The following KIAA0319 variants were observed in gnomAD, a reference collection of about 807,000 sequenced individuals.
The protein encoded by KIAA0319 is dyslexia-associated protein KIAA0319.
A neutral mutation model predicts 108.4 loss-of-function variants in KIAA0319; 83 were observed. The observed-to-expected ratio is 0.77, with a 90% confidence interval of 0.64 to 0.92. The LOEUF (loss-of-function observed/expected upper bound fraction) is 0.92. Among genes scored for constraint, KIAA0319 ranks in the 40% least tolerant of loss-of-function variants. The pLI, the probability that KIAA0319 is intolerant of heterozygous loss-of-function variation, is 0.00. For synonymous variants in KIAA0319, 484 were observed against 510.4 expected, an observed-to-expected ratio of 0.95 and a Z score of 0.70; for missense variants, 1,195 against 1,322.4, an observed-to-expected ratio of 0.90 and a Z score of 1.49.
chr6:24,624,596 A>G (rs1479829809), intron 1 of KIAA0319, among the ~76,000 whole-genome samples: 1 of 152,228 alleles, frequency 6.6e-6, no homozygotes, highest in Non-Finnish European at 1.5e-5. Context: ...TTAGAAGATA[A>G]TTGGAAGAAC....
chr6:24,547,361 A>G lies in KIAA0319; in HGVS notation c.3041-18T>C. The G allele has an allele frequency of 1.2e-6, 2 of 1,609,584 alleles. No individual in the cohort carries two copies. Among genetic ancestry groups the G allele is most frequent in the Non-Finnish European group, 1.7e-6 (2 of 1,176,554 alleles). On this transcript the variant is annotated intron_variant, in intron 20 of 20. Transcript: ENST00000378214. The stretch of plus-strand genomic sequence containing the variant: ...CTTGATACCTAGAGAGAAGCACAGA[A>G]GCATCTGAGGAGGAACGCCGTGATT...
chr6:24,612,799 TTTG>T (rs201077616), intron 1 of KIAA0319, among the ~76,000 whole-genome samples: 1,888 of 152,192 alleles, frequency 0.012, 30 homozygotes, highest in Middle Eastern at 0.041. Context: ...GGAGAATTTT[TTTG>T]TTGTTGTTGT....
At chr6:24,589,158 T>C (rs1768033244) in intron 3 of KIAA0319, among the ~76,000 whole-genome samples, 1 of 152,220 alleles carries the variant, frequency 6.6e-6, no homozygotes, top group African/African-American at 2.4e-5. Flanking sequence ...TGATAGTATT[T>C]GGAGGTAGGG....
intron 1 of KIAA0319, among the ~76,000 whole-genome samples, chr6:24,634,150 AC>A (rs1468015715): frequency 6.6e-6 from 1 of 152,240 alleles, no homozygotes; most frequent in Non-Finnish European, 1.5e-5. Context: ...GTCATGAAGG[AC>A]TGAAAGCGCT....
chr6:24,630,669 TTG>T (rs1304098093), intron 1 of KIAA0319, among the ~76,000 whole-genome samples: 1 of 138,944 alleles, frequency 7.2e-6, no homozygotes, highest in Non-Finnish European at 1.5e-5. Context: ...ATTTATTCAA[TTG>T]TGTGTATATG....
rs748564801 is a variant in KIAA0319 at position 24,559,122 on chromosome 6, C to T, written c.2625G>A (p.Pro875=). Residue 875 remains proline (P), a synonymous_variant, in exon 17 of 21, where the codon CCG becomes CCA. Coordinates refer to ENST00000378214, the MANE Select transcript of KIAA0319 (RefSeq NM_014809.4). The part of the protein sequence containing the change: ...TVIVFYVQSR[P]PFKVLKAAEV... ...CAGCAGCTTTGAGAACCTTGAAAGG[C>T]GGCCTGCTCTGTACATAAAACACAA... 1.4e-5 allele frequency: 22 copies of T among 1,613,556 alleles called. No homozygotes were observed. The highest frequency in any genetic ancestry group is 5.3e-5 in the African/African-American group (4 of 75,016).
At chr6:24,555,052 T>C (rs1762092565) in intron 18 of KIAA0319, among the ~76,000 whole-genome samples, 1 of 152,238 alleles carries the variant, frequency 6.6e-6, no homozygotes, top group South Asian at 2.1e-4. Flanking sequence ...TGGCTGTTTA[T>C]GGCATGAAGA....
At chr6:24,641,819 C>G (rs1410652052) in intron 1 of KIAA0319, among the ~76,000 whole-genome samples, 2 of 151,786 alleles carry the variant, frequency 1.3e-5, no homozygotes, top group East Asian at 3.9e-4. Context: ...GTCACTTGCG[C>G]CCAGGAGTTC....
intron 3 of KIAA0319, among the ~76,000 whole-genome samples, chr6:24,592,913 A>T (rs1160857553): frequency 6.6e-6 from 1 of 152,166 alleles, no homozygotes; most frequent in Non-Finnish European, 1.5e-5. Flanking sequence ...TCAAGGCTGC[A>T]GTGAGCTGAG....
intron 3 of KIAA0319, among the ~76,000 whole-genome samples, chr6:24,590,998 G>C (rs1438439589): frequency 6.6e-6 from 1 of 152,084 alleles, no homozygotes; most frequent in Admixed American, 6.5e-5. Flanking sequence ...GTTTCAAATG[G>C]CTCTTGTTTC....
At chr6:24,548,867 C>G (rs1761016789) in intron 20 of KIAA0319, among the ~76,000 whole-genome samples, 2 of 152,010 alleles carry the variant, frequency 1.3e-5, no homozygotes, top group Non-Finnish European at 2.9e-5. Context: ...TTAATAAAAC[C>G]ACAGTGTGCA....
At chr6:24,565,696 T>C (rs1418064936) in intron 14 of KIAA0319, among the ~76,000 whole-genome samples, 2 of 134,410 alleles carry the variant, frequency 1.5e-5, no homozygotes, top group African/African-American at 5.8e-5. Context: ...GAGGTTGCAG[T>C]GAGCCGAGAT....
At chr6:24,583,772 A>G (rs957267892) in intron 4 of KIAA0319, 70 bp from the exon 5 acceptor site, 8 of 964,568 alleles carry the variant, frequency 8.3e-6, no homozygotes, top group South Asian at 1.4e-5. Context: ...TCTACACTAG[A>G]TCTGTTTTTG....
At chr6:24,551,556 A>G (rs755365931) in intron 19 of KIAA0319, 31 bp from the exon 20 acceptor site, 1 of 1,414,008 alleles carries the variant, frequency 7.1e-7, no homozygotes, top group Non-Finnish European at 1.0e-6. Context: ...CTCAACTCAG[A>G]TCTTTAGAAA....
rs1364174515 is a variant in KIAA0319, at chr6:24,630,861, T to G, written c.-106+14875A>C. ...TACAATTTACTTCATCATTTCTTTGTTTCCAACTTGGGATGTTTATAAATA... is the reference window on the plus strand; with the variant it reads ...TACAATTTACTTCATCATTTCTTTGGTTCCAACTTGGGATGTTTATAAATA... On this transcript the variant is annotated intron_variant, in intron 1 of 20. Coordinates refer to ENST00000378214, the MANE Select transcript of KIAA0319 (RefSeq NM_014809.4). Among the ~76,000 whole-genome samples, 3 of 152,342 alleles carry G rather than the reference T, an allele frequency of 2.0e-5. No homozygotes were observed. In the East Asian group the frequency reaches 5.8e-4, roughly 29 times the overall value.
chr6:24,608,522 T>C (rs1382069507), intron 1 of KIAA0319, among the ~76,000 whole-genome samples: 1 of 152,132 alleles, frequency 6.6e-6, no homozygotes, highest in African/African-American at 2.4e-5. Flanking sequence ...ATGAAATATA[T>C]TATTTTTAAA....
intron 3 of KIAA0319, among the ~76,000 whole-genome samples, chr6:24,594,484 G>A (rs766978709): frequency 9.3e-5 from 14 of 151,176 alleles, no homozygotes; most frequent in South Asian, 2.1e-4. Context: ...AAAATTAGCC[G>A]GGCATGGTGG....
intron 19 of KIAA0319, among the ~76,000 whole-genome samples, chr6:24,553,340 C>CATATATATATAT (rs71542684): frequency 7.9e-6 from 1 of 125,896 alleles, no homozygotes; most frequent in African/African-American, 3.4e-5. Context: ...CACACACGCA[C>CATATATATATAT]ATATATATAT....
chr6:24,550,774 A>G (rs1365516388), intron 20 of KIAA0319, among the ~76,000 whole-genome samples: 1 of 152,072 alleles, frequency 6.6e-6, no homozygotes. Context: ...GCGAGTAGAA[A>G]AAAAAGCAGG....
Sources: gnomAD v4.1 joint callset for allele counts (sites outside exome capture counted in the v4.1 genomes callset) on GRCh38, gnomAD v4.1.1 for gene constraint, MANE v1.5 for transcripts, NCBI Gene and HGNC (gene_info 2026-07-23, HGNC 2026-07-21) for gene names.